AKAP6: variants seen among roughly 807,000 people sequenced by gnomAD.
AKAP6 encodes the protein A-kinase anchoring protein 6.
A neutral mutation model predicts 188.5 loss-of-function variants in AKAP6; 58 were observed. The observed-to-expected ratio is 0.31, with a 90% CI of 0.25 to 0.38. The LOEUF is 0.38. Among genes scored for constraint, AKAP6 ranks in the 10% least tolerant of loss-of-function variants. AKAP6 has a pLI of 1.00. For synonymous variants in AKAP6, 989 were observed against 998.6 expected (o/e 0.99, Z 0.18); for missense variants, 2,710 against 2,740.0 (o/e 0.99, Z 0.24).
intron 11 of AKAP6, among the ~76,000 whole-genome samples, chr14:32,765,930 T>C (rs71419929): frequency 0.12 from 18,822 of 152,108 alleles, 1,496 homozygotes; most frequent in East Asian, 0.45. Flanking sequence ...AATATTTTCA[T>C]TGAGATATAA....
chr14:32,505,213 A>G (rs1035255394), intron 2 of AKAP6, among the ~76,000 whole-genome samples: 1 of 152,090 alleles, frequency 6.6e-6, no homozygotes, highest in African/African-American at 2.4e-5. Flanking sequence ...GTATAGACCT[A>G]TAATTGTTAG....
chr14:32,614,670 G>C (rs7158680), intron 7 of AKAP6, among the ~76,000 whole-genome samples: 2,687 of 152,202 alleles, frequency 0.018, 55 homozygotes, highest in African/African-American at 0.061. Flanking sequence ...TGTCCTAACA[G>C]CATCACCTGT....
intron 9 of AKAP6, among the ~76,000 whole-genome samples, chr14:32,701,731 T>C (rs920804670): frequency 6.6e-6 from 1 of 152,146 alleles, no homozygotes; most frequent in African/African-American, 2.4e-5. Context: ...AATTCACACA[T>C]TTCAGCTTTC....
At chr14:32,408,042 C>A (rs1889355270) in intron 1 of AKAP6, among the ~76,000 whole-genome samples, 1 of 152,120 alleles carries the variant, frequency 6.6e-6, no homozygotes. Context: ...ATAACCCATG[C>A]AAATAATTGG....
intron 7 of AKAP6, among the ~76,000 whole-genome samples, chr14:32,656,252 A>G (rs918452009): frequency 3.3e-5 from 5 of 152,084 alleles, no homozygotes; most frequent in Non-Finnish European, 5.9e-5. Context: ...TTATCTGCCC[A>G]TCAAATTTAG....
intron 1 of AKAP6, among the ~76,000 whole-genome samples, chr14:32,348,796 G>A (rs143664167): frequency 6.8e-4 from 103 of 152,168 alleles, no homozygotes; most frequent in Admixed American, 2.6e-3. Context: ...TTTCCACATT[G>A]CTCCCCACCC....
At chr14:32,786,208 G>A (rs2033396109) in intron 12 of AKAP6, among the ~76,000 whole-genome samples, 1 of 148,906 alleles carries the variant, frequency 6.7e-6, no homozygotes. Context: ...TTACTTTCAT[G>A]TTCGCTCTGA....
chr14:32,489,080 C>T (rs1317826201), intron 2 of AKAP6, among the ~76,000 whole-genome samples: 1 of 152,178 alleles, frequency 6.6e-6, no homozygotes, highest in Non-Finnish European at 1.5e-5. Flanking sequence ...GATGATGTTA[C>T]ATTTAGAGAT....
chr14:32,720,856 CA>C (rs1365527092), intron 9 of AKAP6, among the ~76,000 whole-genome samples: 1 of 151,540 alleles, frequency 6.6e-6, no homozygotes, highest in African/African-American at 2.4e-5. Flanking sequence ...GAACCTGTCT[CA>C]AAAAAAACTT....
rs557422671 is a variant in AKAP6, at chr14:32,516,841, T to C, written c.325-18713T>C. Among the ~76,000 whole-genome samples the C allele has an allele frequency of 1.2e-4, 18 of 152,316 alleles. No homozygotes were observed. The South Asian group carries it at 3.5e-3, about 30-fold the overall frequency. Reference sequence around the variant, plus strand: ...CCAATTCAGTAGTAATGAACAGCCCTATTGCCTTGATGGTGGTCTGAAAAA... The same window carrying C: ...CCAATTCAGTAGTAATGAACAGCCCCATTGCCTTGATGGTGGTCTGAAAAA... On this transcript the variant is annotated intron_variant, in intron 2 of 13. Coordinates refer to ENST00000280979, the MANE Select transcript of AKAP6 (RefSeq NM_004274.5).
intron 8 of AKAP6, among the ~76,000 whole-genome samples, chr14:32,694,064 A>C (rs895526759): frequency 1.3e-5 from 2 of 152,040 alleles, no homozygotes; most frequent in African/African-American, 4.8e-5. Context: ...TGCTACTCAG[A>C]AAGTGTGGTC....
Position 32,520,438 on chromosome 14 carries a change from A to G in AKAP6, c.325-15116A>G, listed in dbSNP as rs554777419. On this transcript the variant is annotated intron_variant, in intron 2 of 13. Coordinates refer to ENST00000280979, the MANE Select transcript of AKAP6 (RefSeq NM_004274.5). ...TTTTTTGAAAAGATCAACAAAGTTG[A>G]TAGATCGCTAGCAAGACTAATAAAC... Among the ~76,000 whole-genome samples, 262 of 152,324 alleles carry G rather than the reference A, an allele frequency of 1.7e-3. 3 individuals carry two copies. The highest frequency in any genetic ancestry group is 6.2e-3 in the African/African-American group (256 of 41,584).
intron 12 of AKAP6, among the ~76,000 whole-genome samples, chr14:32,819,876 AGG>A (rs1271577847): frequency 2.0e-5 from 3 of 152,096 alleles, no homozygotes. Context: ...TGAGCCTGGG[AGG>A]TTGAGACTGC....
At chr14:32,738,800 C>T (rs757123238) in intron 11 of AKAP6, among the ~76,000 whole-genome samples, 5 of 152,156 alleles carry the variant, frequency 3.3e-5, no homozygotes, top group South Asian at 4.2e-4. Flanking sequence ...CTGTAAAAGC[C>T]GGATAATAGT....
intron 13 of AKAP6, among the ~76,000 whole-genome samples, chr14:32,828,608 C>T (rs75935541): frequency 1.3e-5 from 2 of 151,810 alleles, no homozygotes; most frequent in African/African-American, 4.8e-5. Context: ...GCCAATTGGC[C>T]TGCCCATTTC....
At chr14:32,531,056 T>A (rs1294720104) in intron 2 of AKAP6, among the ~76,000 whole-genome samples, 4 of 152,194 alleles carry the variant, frequency 2.6e-5, no homozygotes, top group Non-Finnish European at 5.9e-5. Flanking sequence ...CAGCAAGGTA[T>A]CTGGAAGGTT....
intron 11 of AKAP6, among the ~76,000 whole-genome samples, chr14:32,753,422 A>T (rs992101273): frequency 6.6e-6 from 1 of 152,052 alleles, no homozygotes; most frequent in Non-Finnish European, 1.5e-5. Flanking sequence ...TGGGATATTA[A>T]CCCCTTATCA....
intron 12 of AKAP6, among the ~76,000 whole-genome samples, chr14:32,795,601 T>C (rs554124636): frequency 6.6e-6 from 1 of 152,180 alleles, no homozygotes; most frequent in East Asian, 1.9e-4. Context: ...CCCTTCATGT[T>C]AAAAACTGTC....
intron 2 of AKAP6, among the ~76,000 whole-genome samples, chr14:32,499,563 G>A (rs1432993874): frequency 6.6e-6 from 1 of 151,796 alleles, no homozygotes; most frequent in Non-Finnish European, 1.5e-5. Context: ...GATAAATATG[G>A]TAGATAATAC....
Sources: allele counts gnomAD v4.1 joint callset (sites outside exome capture counted in the v4.1 genomes callset), GRCh38; gene constraint gnomAD v4.1.1; transcripts MANE v1.5; gene names NCBI Gene and HGNC (gene_info 2026-07-23, HGNC 2026-07-21).